Variants in NFIB observed in about 807,000 individuals in gnomAD.
NFIB encodes nuclear factor 1 B-type.
A neutral mutation model predicts 61.5 loss-of-function variants in NFIB; 11 were observed. That is an observed-to-expected ratio of 0.18 (90% CI 0.11 to 0.30). The LOEUF is 0.30. Among genes scored for constraint, NFIB ranks in the 10% least tolerant of loss-of-function variants. NFIB has a pLI of 1.00. For missense variants in NFIB, 471 were observed against 608.9 expected, an observed-to-expected ratio of 0.77 and a Z score of 2.38; for synonymous variants, 260 against 216.5, an observed-to-expected ratio of 1.20 and a Z score of -1.76.
At chr9:14,122,163 A>G (rs1254058317) in intron 7 of NFIB, among the ~76,000 whole-genome samples, 1 of 99,952 alleles carries the variant, frequency 1.0e-5, no homozygotes, top group African/African-American at 4.0e-5. Context: ...TTTATTTCCA[A>G]CTTTGAAACT....
In NFIB at chr9:14,313,539, G is replaced by A; in HGVS notation, c.-28C>T. The A allele has an allele frequency of 1.2e-6, 2 of 1,613,328 alleles. No individual in the cohort carries two copies. Among genetic ancestry groups the A allele is most frequent in the Non-Finnish European group, 1.7e-6 (2 of 1,179,692 alleles). ...CTTCGCCTTAAAACGCACTTTCCGGGAGATGCCCAAGAAAATCTTCGAGAA... is the reference window on the plus strand; with the variant it reads ...CTTCGCCTTAAAACGCACTTTCCGGAAGATGCCCAAGAAAATCTTCGAGAA... On this transcript the variant is annotated 5_prime_UTR_variant, in exon 1 of 11. Transcript: ENST00000380953. This position sits in a 1 kb window ranked among gnomAD's most constrained non-coding sequence, Gnocchi z 4.5.
chr9:14,368,851 T>C (rs898983857), intron 1 of NFIB, among the ~76,000 whole-genome samples: 3 of 152,214 alleles, frequency 2.0e-5, no homozygotes, highest in Non-Finnish European at 4.4e-5. Context: ...AGATGACCCT[T>C]ATTGTTCCCG....
intron 2 of NFIB, among the ~76,000 whole-genome samples, chr9:14,244,207 G>A (rs986196867): frequency 8.6e-5 from 13 of 152,008 alleles, no homozygotes; most frequent in Non-Finnish European, 2.9e-5. Context: ...AAGATATTCA[G>A]GATTCTCTTT....
intron 2 of NFIB, among the ~76,000 whole-genome samples, chr9:14,285,147 G>C (rs186045459): frequency 6.6e-6 from 1 of 152,314 alleles, no homozygotes; most frequent in Non-Finnish European, 1.5e-5. Context: ...TCTTGAGACA[G>C]AGTCTTGCAC....
chr9:14,480,477 C>T, the NFIB span, among the ~76,000 whole-genome samples: 1 of 150,750 alleles, frequency 6.6e-6, no homozygotes, highest in African/African-American at 2.4e-5. Context: ...GTGCCCCTGA[C>T]TGAGAAGGAC....
intron 2 of NFIB, among the ~76,000 whole-genome samples, chr9:14,231,097 T>C (rs1275149462): frequency 7.5e-6 from 1 of 132,860 alleles, no homozygotes; most frequent in Non-Finnish European, 1.6e-5. Flanking sequence ...ATCTGAGTCC[T>C]TGGCCTACAG....
At chr9:14,450,383 A>G in the NFIB span, among the ~76,000 whole-genome samples, 2 of 152,316 alleles carry the variant, frequency 1.3e-5, no homozygotes, top group African/African-American at 4.8e-5. Flanking sequence ...TTACTTTTCC[A>G]TGAACCTCTT....
intron 2 of NFIB, among the ~76,000 whole-genome samples, chr9:14,185,061 A>G (rs538232995): frequency 2.2e-5 from 3 of 137,554 alleles, no homozygotes; most frequent in Admixed American, 7.9e-5. Flanking sequence ...TTAATTTACA[A>G]TAATGACCTT....
the NFIB span, among the ~76,000 whole-genome samples, chr9:14,498,505 A>G: frequency 1.9e-3 from 284 of 152,348 alleles, 3 homozygotes; most frequent in Admixed American, 9.1e-3. Flanking sequence ...TACGATGGAC[A>G]AAATAGGACA....
intron 2 of NFIB, among the ~76,000 whole-genome samples, chr9:14,216,540 CTCCCTCTGTGTG>C (rs1261395914): frequency 2.6e-3 from 77 of 29,368 alleles, no homozygotes; most frequent in African/African-American, 0.014. Context: ...CTCTCTCTCT[CTCCCTCTGTGTG>C]TGTGTGTGTG....
At chr9:14,350,015 G>A (rs2061086738) in intron 1 of NFIB, among the ~76,000 whole-genome samples, 1 of 152,090 alleles carries the variant, frequency 6.6e-6, no homozygotes, top group South Asian at 2.1e-4. Flanking sequence ...GGAAAAACTC[G>A]TGCAAACTTG....
intron 1 of NFIB, among the ~76,000 whole-genome samples, chr9:14,336,342 G>T (rs913696002): frequency 1.3e-5 from 2 of 152,176 alleles, no homozygotes; most frequent in African/African-American, 4.8e-5. Context: ...GTGGGATTGT[G>T]GTGGTATTTA....
the NFIB span, among the ~76,000 whole-genome samples, chr9:14,500,799 T>C: frequency 6.6e-6 from 1 of 152,184 alleles, no homozygotes; most frequent in Non-Finnish European, 1.5e-5. Flanking sequence ...ATCTTGGGAC[T>C]CTCACGCATT....
At chr9:14,180,061 T>C (rs368597834) in intron 2 of NFIB, among the ~76,000 whole-genome samples, 255 of 152,328 alleles carry the variant, frequency 1.7e-3, no homozygotes, top group Admixed American at 3.9e-3. Flanking sequence ...TACAAAGCCA[T>C]TGAAGATGGT....
In NFIB at chr9:14,220,164, T is replaced by C. The variant is rs1367690901; in HGVS notation, c.563-40384A>G. On this transcript the variant is annotated intron_variant, in intron 2 of 10. Coordinates refer to ENST00000380953, the MANE Select transcript of NFIB (RefSeq NM_001190737.2). Reference sequence around the variant, plus strand: ...GGAGAGAAAGCAAAATCAGGAACAATATCCCCTGAATTCTCTTCATCAAGG... The same window carrying C: ...GGAGAGAAAGCAAAATCAGGAACAACATCCCCTGAATTCTCTTCATCAAGG... 2.0e-5 allele frequency among the ~76,000 whole-genome samples: 3 copies of C among 152,166 alleles called. No individual in the cohort carries two copies. In the East Asian group the frequency reaches 5.8e-4, roughly 29 times the overall value.
At chr9:14,398,205 C>T (rs1232858941) in intron 1 of NFIB, among the ~76,000 whole-genome samples, 1 of 151,784 alleles carries the variant, frequency 6.6e-6, no homozygotes. Context: ...TAATTTCTCT[C>T]TCAACTAACC....
chr9:14,202,343 G>A (rs2049132555), intron 2 of NFIB, among the ~76,000 whole-genome samples: 1 of 152,126 alleles, frequency 6.6e-6, no homozygotes, highest in Admixed American at 6.6e-5. Context: ...ATAAAATAAT[G>A]AGACCACAGT....
chr9:14,116,899 C>T (rs529069657), intron 8 of NFIB, among the ~76,000 whole-genome samples: 165 of 152,322 alleles, frequency 1.1e-3, no homozygotes, highest in African/African-American at 3.7e-3. Context: ...GCATACAAAA[C>T]TCTAGCTCTC....
At chr9:14,106,557 A>G (rs554567087) in intron 10 of NFIB, among the ~76,000 whole-genome samples, 33 of 152,192 alleles carry the variant, frequency 2.2e-4, no homozygotes, top group Non-Finnish European at 4.3e-4. Flanking sequence ...GCCCAGTTCA[A>G]ATCAGATTGC....
Sources: allele counts gnomAD v4.1 joint callset (sites outside exome capture counted in the v4.1 genomes callset), GRCh38; gene constraint gnomAD v4.1.1; non-coding constraint Gnocchi (gnomAD v3.1); transcripts MANE v1.5; gene names NCBI Gene and HGNC (gene_info 2026-07-23, HGNC 2026-07-21).